Variants in SPRED2 observed in about 807,000 individuals in gnomAD.
SPRED2 encodes the protein sprouty-related, EVH1 domain-containing protein 2.
In SPRED2, 47 loss-of-function variants were observed where a neutral mutation model predicts 43.0. That is an observed-to-expected ratio of 1.09 (90% CI 0.87 to 1.40). The LOEUF (loss-of-function observed/expected upper bound fraction) is 1.40, where lower values mean the gene tolerates loss of function less well. Ranked by LOEUF, SPRED2 falls within the 40% of genes most tolerant of loss-of-function variation. The probability of loss-of-function intolerance (pLI) is 0.00; values close to 1 mark genes in which losing one functional copy is unlikely to be tolerated. For missense variants in SPRED2, 561 were observed against 586.4 expected (o/e 0.96, Z 0.45); for synonymous variants, 225 against 225.7 (o/e 1.00, Z 0.03).
intron 4 of SPRED2, among the ~76,000 whole-genome samples, chr2:65,318,735 G>A (rs1673319076): frequency 6.6e-6 from 1 of 151,722 alleles, no homozygotes; most frequent in Non-Finnish European, 1.5e-5. Flanking sequence ...GCCGTGGCAT[G>A]AACACAGCTC....
chr2:65,402,499 G>A (rs1404948333), intron 1 of SPRED2, among the ~76,000 whole-genome samples: 1 of 152,090 alleles, frequency 6.6e-6, no homozygotes, highest in African/African-American at 2.4e-5. Flanking sequence ...TCTGAGAATG[G>A]CCAGGCTGGA....
rs558203825 is a variant in SPRED2, at chr2:65,336,587, TGTC to T, written c.205-1817_205-1815del. Among the ~76,000 whole-genome samples, 97 of 152,290 alleles carry T rather than the reference TGTC, an allele frequency of 6.4e-4. 1 individual carries two copies. In the South Asian group the frequency reaches 0.02, roughly 31 times the overall value. On this transcript the variant is annotated intron_variant, in intron 2 of 5. Transcript: ENST00000356388. ...CCCTAAGAATAGCACAATGATTAAATGTCAGCCCAGCCCCATTCCACATTGGGG... is the reference window on the plus strand; with the variant it reads ...CCCTAAGAATAGCACAATGATTAAATAGCCCAGCCCCATTCCACATTGGGG...
intron 3 of SPRED2, chr2:65,334,391 T>C (rs1437216532): frequency 2.2e-5 from 14 of 639,938 alleles, no homozygotes; most frequent in Admixed American, 4.6e-5. Context: ...AAAAATCAAT[T>C]GGGATTACTC....
rs534849912 is a variant in SPRED2, at chr2:65,413,563, G to T, written c.26+18399C>A. On this transcript the variant is annotated intron_variant, in intron 1 of 5. Coordinates refer to ENST00000356388, the MANE Select transcript of SPRED2 (RefSeq NM_181784.3). ...GTTATCGCTGCTGCAGAGGGCAGTG[G>T]TTCCACAGAAGAACTTGCTGACGAT... 6.8e-4 allele frequency among the ~76,000 whole-genome samples: 103 copies of T among 152,334 alleles called. 1 individual carries two copies. The highest frequency in any genetic ancestry group is 2.4e-4 in the Non-Finnish European group (16 of 68,040).
intron 2 of SPRED2, among the ~76,000 whole-genome samples, chr2:65,342,543 A>G (rs1019764370): frequency 3.3e-5 from 5 of 151,904 alleles, no homozygotes; most frequent in Admixed American, 6.6e-5. Flanking sequence ...TAATACTGGT[A>G]GCAGCTCCTT....
At chr2:65,307,920 A>G (rs892335745), downstream of SPRED2, among the ~76,000 whole-genome samples, 7 of 152,344 alleles carry the variant, frequency 4.6e-5, no homozygotes, top group Middle Eastern at 3.4e-3. Flanking sequence ...ATTGGCGGGC[A>G]CTTTCACAAG....
At chr2:65,390,511 A>T (rs1207886336) in intron 1 of SPRED2, among the ~76,000 whole-genome samples, 2 of 152,126 alleles carry the variant, frequency 1.3e-5, no homozygotes, top group Non-Finnish European at 2.9e-5. Context: ...GAGATGCAGG[A>T]GGTGGTCAAT....
At chr2:65,401,242 C>T (rs1162409388) in intron 1 of SPRED2, among the ~76,000 whole-genome samples, 1 of 151,812 alleles carries the variant, frequency 6.6e-6, no homozygotes, top group Non-Finnish European at 1.5e-5. Flanking sequence ...TCCCAAAGTG[C>T]TGAGATTACA....
chr2:65,371,814 G>A (rs754938147), intron 1 of SPRED2, among the ~76,000 whole-genome samples: 3 of 152,094 alleles, frequency 2.0e-5, no homozygotes, highest in Non-Finnish European at 4.4e-5. Flanking sequence ...GGTGGCTCAC[G>A]CCTCTAATCC....
chr2:65,391,060 C>T (rs1424108591), intron 1 of SPRED2, among the ~76,000 whole-genome samples: 4 of 148,822 alleles, frequency 2.7e-5, no homozygotes, highest in Admixed American at 2.0e-4. Context: ...TGCACTCCAG[C>T]CTGGGTGACA....
chr2:65,333,655 T>C (rs183566726), intron 3 of SPRED2, among the ~76,000 whole-genome samples: 108 of 152,366 alleles, frequency 7.1e-4, no homozygotes, highest in African/African-American at 2.5e-3. Flanking sequence ...TTGCCACTTA[T>C]GTCAGAACTA....
At chr2:65,407,384 T>C (rs894646912) in intron 1 of SPRED2, among the ~76,000 whole-genome samples, 2 of 150,266 alleles carry the variant, frequency 1.3e-5, no homozygotes, top group Non-Finnish European at 3.0e-5. Context: ...GTGCGTGTGT[T>C]GTGTATTGGG....
At chr2:65,394,091 A>C (rs1001583806) in intron 1 of SPRED2, among the ~76,000 whole-genome samples, 1 of 152,238 alleles carries the variant, frequency 6.6e-6, no homozygotes, top group Non-Finnish European at 1.5e-5. Context: ...TACTTGAAAA[A>C]AAAAGCTTTC....
At chr2:65,337,056 C>T (rs946105476) in intron 2 of SPRED2, among the ~76,000 whole-genome samples, 4 of 151,792 alleles carry the variant, frequency 2.6e-5, no homozygotes, top group African/African-American at 9.7e-5. Flanking sequence ...TGCAGTGGGC[C>T]GAGATCGTGC....
chr2:65,431,124 G>A (rs868287379), intron 1 of SPRED2, among the ~76,000 whole-genome samples: 59 of 152,170 alleles, frequency 3.9e-4, no homozygotes, highest in Middle Eastern at 3.4e-3. Context: ...GGCGGCCCAG[G>A]ATCCCTCCGG....
In SPRED2 at chr2:65,432,113, A is replaced by ATC. The variant is rs1668880782; in HGVS notation, c.-127_-126insGA. 1 of 1,243,262 alleles carries ATC rather than the reference A, an allele frequency of 8.0e-7. No homozygotes were observed. Among genetic ancestry groups the ATC allele is most frequent in the Non-Finnish European group, 1.1e-6 (1 of 869,840 alleles). The allele number at this position is 1,243,262 out of a possible 1,614,324, so 77.0% of individuals were successfully genotyped here. A position where few individuals can be genotyped will look rare whatever the true frequency, so the allele number is the denominator to read the frequency against. ...ATTTGGGGAGGGGGGGCGGCTAGAG[A>ATC]TGAAGAGGGCGCCGCAGCAGAAGGG... On this transcript the variant is annotated 5_prime_UTR_variant, in exon 1 of 6. Coordinates refer to ENST00000356388, the MANE Select transcript of SPRED2 (RefSeq NM_181784.3).
intron 1 of SPRED2, chr2:65,378,166 A>G (rs1486712771): frequency 6.5e-6 from 1 of 154,824 alleles, no homozygotes; most frequent in African/African-American, 2.4e-5. Flanking sequence ...CCCTGGGGTT[A>G]AAGTCAAACT....
At chr2:65,336,093 G>A (rs922243797) in intron 2 of SPRED2, among the ~76,000 whole-genome samples, 2 of 152,224 alleles carry the variant, frequency 1.3e-5, no homozygotes, top group African/African-American at 2.4e-5. Flanking sequence ...AGTGGCTCAT[G>A]CCTGTAATCC....
At chr2:65,329,106 G>C (rs1226629187) in intron 4 of SPRED2, among the ~76,000 whole-genome samples, 3 of 152,214 alleles carry the variant, frequency 2.0e-5, no homozygotes, top group Admixed American at 6.5e-5. Flanking sequence ...GTGGATGGGA[G>C]GGGGCTGGGA....
Sources: allele counts gnomAD v4.1 joint callset (sites outside exome capture counted in the v4.1 genomes callset), GRCh38; gene constraint gnomAD v4.1.1; transcripts MANE v1.5; gene names NCBI Gene and HGNC (gene_info 2026-07-23, HGNC 2026-07-21).